The following PDE2A variants were observed in gnomAD, a reference collection of about 807,000 sequenced individuals.
PDE2A encodes cGMP-dependent 3',5'-cyclic phosphodiesterase.
PDE2A carries 53 observed loss-of-function variants against 133.6 expected under a neutral mutation model. The ratio of observed to expected loss-of-function variants is 0.40; its 90% CI spans 0.32 to 0.50. PDE2A has a LOEUF of 0.50. Among genes scored for constraint, PDE2A ranks in the 20% least tolerant of loss-of-function variants. The pLI is 0.73. For synonymous variants in PDE2A, 491 were observed against 490.2 expected (o/e 1.00, Z -0.02); for missense variants, 796 against 1,232.4 (o/e 0.65, Z 5.30).
chr11:72,584,376 C>G (rs1432810912), intron 18 of PDE2A, 63 bp from the exon 19 acceptor site: 2 of 1,278,372 alleles, frequency 1.6e-6, no homozygotes, highest in Non-Finnish European at 2.3e-6. Flanking sequence ...AGGGAGGGAT[C>G]CGGCCGGGAC....
chr11:72,612,456 G>A (rs1303515728), intron 2 of PDE2A, among the ~76,000 whole-genome samples: 1 of 152,114 alleles, frequency 6.6e-6, no homozygotes, highest in African/African-American at 2.4e-5. Flanking sequence ...GTGGTGTGTA[G>A]AAAAGAGCCG....
chr11:72,616,506 G>A (rs889047015), intron 2 of PDE2A, among the ~76,000 whole-genome samples: 3 of 152,240 alleles, frequency 2.0e-5, no homozygotes, highest in African/African-American at 7.2e-5. Context: ...AAATGACTGG[G>A]TAAACTCCTG....
chr11:72,584,169 A>ACCCCCCCCCCCCCC, intron 19 of PDE2A, 32 bp downstream of exon 19: 12 of 877,928 alleles, frequency 1.4e-5, no homozygotes, highest in Admixed American at 2.4e-5. Context: ...GCCCCCTATC[A>ACCCCCCCCCCCCCC]CCCCACACCC....
chr11:72,618,410 A>G (rs1396223432), intron 2 of PDE2A, among the ~76,000 whole-genome samples: 2 of 151,438 alleles, frequency 1.3e-5, no homozygotes, highest in Non-Finnish European at 2.9e-5. Context: ...TCCTCCCCCT[A>G]TCACTGGGAC....
intron 2 of PDE2A, among the ~76,000 whole-genome samples, chr11:72,617,179 C>T (rs1196494243): frequency 6.6e-6 from 1 of 152,234 alleles, no homozygotes; most frequent in African/African-American, 2.4e-5. Flanking sequence ...GCCTCCAGGC[C>T]AGAGACTGGG....
At chr11:72,583,685 T>A in intron 19 of PDE2A, 170 bp from the exon 20 acceptor site, 1 of 466,198 alleles carries the variant, frequency 2.1e-6, no homozygotes, top group Non-Finnish European at 3.7e-6. Flanking sequence ...CCCACTTTCA[T>A]CCAGACCCCG....
Position 72,674,195 on chromosome 11 carries a change from ATGCC to A in PDE2A, c.9_12del (p.Gln3HisfsTer49). Reference sequence around the variant, plus strand: ...CTCCTGCAGAGGATGGAGTGGCCGCATGCCTGCCCCATCACTCCTCATCGTCCGC... The same window carrying A: ...CTCCTGCAGAGGATGGAGTGGCCGCATGCCCCATCACTCCTCATCGTCCGC... On this transcript the variant is annotated frameshift_variant, in exon 1 of 31. Transcript: ENST00000334456. LOFTEE classifies it high-confidence loss of function. 2 of 1,610,960 alleles carry A rather than the reference ATGCC, an allele frequency of 1.2e-6. No individual in the cohort carries two copies. Among genetic ancestry groups the A allele is most frequent in the Non-Finnish European group, 1.7e-6 (2 of 1,179,686 alleles).
In PDE2A at chr11:72,584,667, T is replaced by C. The variant is rs1855881420; in HGVS notation, c.1421A>G (p.Gln474Arg). 6.2e-7 allele frequency: 1 copy of C among 1,613,410 alleles called. No individual in the cohort carries two copies. Among genetic ancestry groups the C allele is most frequent in the South Asian group, 1.1e-5 (1 of 91,082 alleles). Reference sequence around the variant, plus strand: ...ATATGCGTCAGGGATGTTCAGGATCTGGCCCGTGGTCGCCACGTGTCCCGC... The same window carrying C: ...ATATGCGTCAGGGATGTTCAGGATCCGGCCCGTGGTCGCCACGTGTCCCGC... The part of the protein sequence containing the change: ...GIAGHVATTG[Q>R]ILNIPDAYAH... Residue 474 changes from glutamine to arginine, a missense_variant, in exon 18 of 31, where the codon CAG (glutamine) becomes CGG (arginine). By Grantham distance (43) the Gln-to-Arg change is conservative. This residue lies in a region of PDE2A where 218 missense variants were observed against 465.9 expected (regional missense o/e 0.47). Coordinates refer to ENST00000334456, the MANE Select transcript of PDE2A (RefSeq NM_002599.5).
chr11:72,610,826 G>GCA (rs1412351942), intron 2 of PDE2A, among the ~76,000 whole-genome samples: 9 of 152,068 alleles, frequency 5.9e-5, no homozygotes, highest in African/African-American at 1.9e-4. Context: ...CCATCCATGT[G>GCA]CGCACACACA....
intron 2 of PDE2A, among the ~76,000 whole-genome samples, chr11:72,624,672 T>C (rs1857957804): frequency 1.3e-5 from 2 of 152,226 alleles, no homozygotes; most frequent in Non-Finnish European, 2.9e-5. Flanking sequence ...CACTGTCACT[T>C]TCAGTGTCAC....
intron 1 of PDE2A, among the ~76,000 whole-genome samples, chr11:72,669,657 G>C (rs939526200): frequency 2.0e-5 from 3 of 152,190 alleles, no homozygotes; most frequent in Admixed American, 2.0e-4. Flanking sequence ...CTGTCCTGGA[G>C]GCTGGGGCAG....
intron 1 of PDE2A, among the ~76,000 whole-genome samples, chr11:72,646,664 C>T (rs1366000042): frequency 1.3e-5 from 2 of 152,300 alleles, no homozygotes; most frequent in Admixed American, 1.3e-4. Context: ...ATGCAAGGCT[C>T]ATCCCCACGT....
At chr11:72,582,410 G>T in intron 21 of PDE2A, 34 bp downstream of exon 21, 1 of 1,605,542 alleles carries the variant, frequency 6.2e-7, no homozygotes, top group Non-Finnish European at 8.5e-7. Context: ...ACATACCTTC[G>T]GCCTGGCCAG....
In PDE2A at chr11:72,660,962, T is replaced by C. The variant is rs943079105; in HGVS notation, c.71+13175A>G. 5.7e-4 allele frequency among the ~76,000 whole-genome samples: 87 copies of C among 151,892 alleles called. 2 individuals are homozygous for C. The highest frequency in any genetic ancestry group is 2.6e-3 in the Admixed American group (40 of 15,254). On this transcript the variant is annotated intron_variant, in intron 1 of 30. Coordinates refer to ENST00000334456, the MANE Select transcript of PDE2A (RefSeq NM_002599.5). Reference sequence around the variant, plus strand: ...AACATAAGAGAAATCAGGCAGGGTCTGAGAAAATGAGGCAGAGGGCATCTG... The same window carrying C: ...AACATAAGAGAAATCAGGCAGGGTCCGAGAAAATGAGGCAGAGGGCATCTG...
At chr11:72,629,472 A>T (rs1384416308) in intron 2 of PDE2A, among the ~76,000 whole-genome samples, 2 of 152,206 alleles carry the variant, frequency 1.3e-5, no homozygotes, top group Non-Finnish European at 2.9e-5. Context: ...TCCCAGGAAC[A>T]CCATCTGTCC....
chr11:72,586,603 G>A lies in PDE2A; in HGVS notation c.1071-422C>T, dbSNP rs76147219. 5.0e-3 allele frequency among the ~76,000 whole-genome samples: 757 copies of A among 152,252 alleles called. 3 individuals carry two copies. The highest frequency in any genetic ancestry group is 0.017 in the African/African-American group (722 of 41,536). On this transcript the variant is annotated intron_variant, in intron 13 of 30. Coordinates refer to ENST00000334456, the MANE Select transcript of PDE2A (RefSeq NM_002599.5). ...CCCTGGACTCCGCTGGCCCTGATTCGGTGCCTCCAGAAATCTTAGGGTGGT... is the reference window on the plus strand; with the variant it reads ...CCCTGGACTCCGCTGGCCCTGATTCAGTGCCTCCAGAAATCTTAGGGTGGT...
intron 2 of PDE2A, among the ~76,000 whole-genome samples, chr11:72,632,239 C>A (rs531124621): frequency 6.6e-6 from 1 of 152,154 alleles, no homozygotes; most frequent in African/African-American, 2.4e-5. Flanking sequence ...TTGGGTTGAC[C>A]GTAGGGGTGA....
chr11:72,578,163 T>C lies in PDE2A; in HGVS notation c.2615+70A>G. The C allele has an allele frequency of 1.0e-6, 1 of 977,718 alleles. No homozygotes were observed. The highest frequency in any genetic ancestry group is 1.7e-6 in the Non-Finnish European group (1 of 605,756). The allele number at this position is 977,718 out of a possible 1,614,324, so 60.6% of individuals were successfully genotyped here. A position where few individuals can be genotyped will look rare whatever the true frequency, so the allele number is the denominator to read the frequency against. On this transcript the variant is annotated intron_variant, in intron 30 of 30. Coordinates refer to ENST00000334456, the MANE Select transcript of PDE2A (RefSeq NM_002599.5). This position sits in a 1 kb window ranked among gnomAD's most constrained non-coding sequence, Gnocchi z 4.2. ...CCAGGCCAATCTCAGCACCTGTGTT[T>C]CCTGTGATGTCCCCACTCCAGCCTA... is the stretch of plus-strand genomic sequence containing the variant.
intron 2 of PDE2A, among the ~76,000 whole-genome samples, chr11:72,627,974 G>A (rs1858169578): frequency 6.6e-6 from 1 of 152,252 alleles, no homozygotes; most frequent in Non-Finnish European, 1.5e-5. Flanking sequence ...ACAGGGGCTA[G>A]GTAACCATCC....
Sources: allele counts gnomAD v4.1 joint callset (sites outside exome capture counted in the v4.1 genomes callset), GRCh38; gene constraint gnomAD v4.1.1; regional missense constraint gnomAD v4.1.1; non-coding constraint Gnocchi (gnomAD v3.1); transcripts MANE v1.5; gene names NCBI Gene and HGNC (gene_info 2026-07-23, HGNC 2026-07-21).